SYCP2: variants seen among roughly 807,000 people sequenced by gnomAD.
SYCP2 encodes the protein synaptonemal complex lateral element protein.
SYCP2 carries 55 observed loss-of-function variants against 211.3 expected under a neutral mutation model. That is an observed-to-expected ratio of 0.26 (90% CI 0.21 to 0.33). The LOEUF (loss-of-function observed/expected upper bound fraction) is 0.33. Ranked by LOEUF, SYCP2 falls within the 10% of genes least tolerant of loss-of-function variation. The probability of loss-of-function intolerance (pLI) is 1.00; values close to 1 mark genes in which losing one functional copy is unlikely to be tolerated. For missense variants in SYCP2, 1,731 were observed against 1,752.0 expected (o/e 0.99, Z 0.21); for synonymous variants, 570 against 555.2 (o/e 1.03, Z -0.37).
chr20:59,885,068 G>A (rs986998545), intron 26 of SYCP2: 2 of 151,852 alleles, frequency 1.3e-5, no homozygotes, highest in African/African-American at 4.8e-5. Context: ...CATTGCAAAG[G>A]GAGAAGAAAA....
Position 59,868,316 on chromosome 20 carries a change from T to C in SYCP2, c.3988+97A>G, listed in dbSNP as rs2059388920. ...TCATCCATCTTGGACATATCCAAAG[T>C]TGTCTTTACAAATTTGTTTTGTAAA... On this transcript the variant is annotated intron_variant, in intron 38 of 44. Transcript: ENST00000357552. 3 of 1,260,080 alleles carry C rather than the reference T, an allele frequency of 2.4e-6. No homozygotes were observed. In the East Asian group the frequency reaches 7.0e-5, roughly 29 times the overall value. 78.1% of individuals were successfully genotyped at this position (1,260,080 alleles called of 1,614,324 possible).
chr20:59,932,401 C>T (rs1181553470), intron 1 of SYCP2, among the ~76,000 whole-genome samples: 2 of 152,064 alleles, frequency 1.3e-5, no homozygotes, highest in East Asian at 1.9e-4. Flanking sequence ...GTAGGCCGGG[C>T]GAGGTGGCTC....
chr20:59,890,839 A>G (rs1339243874), intron 24 of SYCP2, among the ~76,000 whole-genome samples: 2 of 152,018 alleles, frequency 1.3e-5, no homozygotes, highest in Non-Finnish European at 2.9e-5. Context: ...ATTTAAATTT[A>G]AAGACAGATC....
At chr20:59,914,500 TATTC>T (rs1268780412) in intron 10 of SYCP2, among the ~76,000 whole-genome samples, 1 of 152,018 alleles carries the variant, frequency 6.6e-6, no homozygotes, top group African/African-American at 2.4e-5. Flanking sequence ...GACTTCTAAA[TATTC>T]AAAGACACTG....
chr20:59,892,408 T>C lies in SYCP2; in HGVS notation c.1946A>G (p.Lys649Arg). 6.5e-7 allele frequency: 1 copy of C among 1,528,654 alleles called. No individual in the cohort carries two copies. The highest frequency in any genetic ancestry group is 8.9e-7 in the Non-Finnish European group (1 of 1,128,004). 94.7% of individuals were successfully genotyped at this position (1,528,654 alleles called of 1,614,324 possible). A position where few individuals can be genotyped will look rare whatever the true frequency, so the allele number is the denominator to read the frequency against. ...AGAGGATGATTTTTGTTTAGTAAGTTTTTTATTTATAACAATATCTATTGG... is the reference window on the plus strand; with the variant it reads ...AGAGGATGATTTTTGTTTAGTAAGTCTTTTATTTATAACAATATCTATTGG... ...TLNQDIVINK[K>R]LTKQKSSSSI... is the part of the protein sequence containing the mutation. Residue 649 changes from lysine (K) to arginine (R), a missense_variant, in exon 24 of 45, where the codon AAA becomes AGA. Lys to Arg is a conservative substitution (Grantham distance 26). Coordinates refer to ENST00000357552, the MANE Select transcript of SYCP2 (RefSeq NM_014258.4).
chr20:59,875,224 G>A (rs1173438490), intron 34 of SYCP2, 47 bp downstream of exon 34: 1 of 1,221,158 alleles, frequency 8.2e-7, no homozygotes, highest in Non-Finnish European at 1.2e-6. Context: ...TAGAGTTATA[G>A]AAAACTATTG....
At position 59,875,610 on chromosome 20, in the gene SYCP2, G is replaced by C. The variant is rs1434631975; in HGVS notation, c.3151-141C>G. On this transcript the variant is annotated intron_variant, in intron 33 of 44. Coordinates refer to ENST00000357552, the MANE Select transcript of SYCP2 (RefSeq NM_014258.4). ...TAACAAGGACCTAGACATGAGTAGT[G>C]AAAGACTTTCTAATATACTAGAAGC... The C allele has an allele frequency of 1.6e-5, 9 of 569,356 alleles. No individual in the cohort carries two copies. In the South Asian group the frequency reaches 2.6e-4, roughly 16 times the overall value. The allele number at this position is 569,356 out of a possible 1,614,324, so 35.3% of individuals were successfully genotyped here.
intron 24 of SYCP2, among the ~76,000 whole-genome samples, chr20:59,889,390 ATTT>A (rs146069418): frequency 2.0e-5 from 3 of 151,806 alleles, no homozygotes; most frequent in Non-Finnish European, 4.4e-5. Flanking sequence ...TCCAAAAATG[ATTT>A]TTTTTAAAAG....
chr20:59,913,912 G>C, intron 12 of SYCP2, 63 bp downstream of exon 12: 1 of 1,213,688 alleles, frequency 8.2e-7, no homozygotes, highest in Admixed American at 2.3e-5. Context: ...ATGCAACACT[G>C]GGTGCTCACT....
At chr20:59,925,275 A>G (rs533619004) in intron 2 of SYCP2, among the ~76,000 whole-genome samples, 1 of 152,020 alleles carries the variant, frequency 6.6e-6, no homozygotes, top group Non-Finnish European at 1.5e-5. Context: ...TTTAATACTT[A>G]CAGGTTGATA....
intron 26 of SYCP2, among the ~76,000 whole-genome samples, 154 bp from the exon 27 acceptor site, chr20:59,882,319 T>C (rs907388636): frequency 2.0e-5 from 3 of 152,150 alleles, no homozygotes; most frequent in African/African-American, 7.2e-5. Context: ...TAACAGATGC[T>C]AGTGAGGATG....
At chr20:59,925,115 T>C (rs1367704105) in intron 2 of SYCP2, among the ~76,000 whole-genome samples, 1 of 152,022 alleles carries the variant, frequency 6.6e-6, no homozygotes, top group African/African-American at 2.4e-5. Flanking sequence ...GCTCTAACCA[T>C]AAAAGACAAC....
At position 59,932,355 on chromosome 20, in the gene SYCP2, G is replaced by T. The variant is rs1198456190; in HGVS notation, c.-139-201C>A. On this transcript the variant is annotated intron_variant, in intron 1 of 44. Transcript: ENST00000357552. The stretch of plus-strand genomic sequence containing the variant: ...ACATTAAAGGTGAATGAAGGGGAGG[G>T]AAGGCGTCCTCCTCCTCCCATCATT... 2.0e-5 allele frequency among the ~76,000 whole-genome samples: 3 copies of T among 152,120 alleles called. No individual in the cohort carries two copies. In the East Asian group the frequency reaches 5.8e-4, roughly 29 times the overall value.
At chr20:59,874,562 G>A (rs139781652) in intron 34 of SYCP2, among the ~76,000 whole-genome samples, 32 of 152,060 alleles carry the variant, frequency 2.1e-4, no homozygotes, top group African/African-American at 7.0e-4. Context: ...CTGAGTATGC[G>A]CTTATGTGAA....
Position 59,914,001 on chromosome 20 carries a change from T to C in SYCP2, c.804A>G (p.Val268=), listed in dbSNP as rs2060383092. Residue 268 remains valine, a synonymous_variant, in exon 12 of 45, where the codon GTA becomes GTG. Coordinates refer to ENST00000357552, the MANE Select transcript of SYCP2 (RefSeq NM_014258.4). ...TTCTTTTGTCTCCAAGCATGCCATT[T>C]ACAAGGTTGAGAAATATCCTGCAAT... ...ETDCRIFLNL[V]NGMLGDKRRV... 1 of 1,600,326 alleles carries C rather than the reference T, an allele frequency of 6.2e-7. No individual in the cohort carries two copies. Among genetic ancestry groups the C allele is most frequent in the Non-Finnish European group, 8.5e-7 (1 of 1,174,196 alleles).
Position 59,919,548 on chromosome 20 carries a change from T to C in SYCP2, c.347A>G (p.Asn116Ser), listed in dbSNP as rs750376132. 1.9e-6 allele frequency: 3 copies of C among 1,610,780 alleles called. No homozygotes were observed. The African/African-American group carries it at 4.0e-5, about 22-fold the overall frequency. The change falls in exon 6 of 45, where the codon AAT becomes AGT. Residue 116 changes from asparagine to serine, a missense_variant. Asn to Ser is a conservative substitution (Grantham distance 46). Coordinates refer to ENST00000357552, the MANE Select transcript of SYCP2 (RefSeq NM_014258.4). The stretch of plus-strand genomic sequence containing the variant: ...ATTTAGAACAGCTTCATCTTTTGAA[T>C]TTCCTTGACTCTGAATAATGTCCTT... ...KSKDIIQSQG[N>S]SKDEAVLNMI...
chr20:59,914,247 A>G lies in SYCP2; in HGVS notation c.639T>C (p.Tyr213=), dbSNP rs1163633528. The G allele has an allele frequency of 6.5e-7, 1 of 1,539,636 alleles. No individual in the cohort carries two copies. Among genetic ancestry groups the G allele is most frequent in the East Asian group, 2.3e-5 (1 of 44,222 alleles). ...MGERILDAGD[Y]DLQVGIVEAL... ...CTTCTACAATGCCTACCTGTAAGTC[A>G]TAATCTATTAAAAAAATAGTTAATG... The change falls in exon 11 of 45, where the codon TAT becomes TAC. Residue 213 remains tyrosine (Y), a synonymous_variant. Coordinates refer to ENST00000357552, the MANE Select transcript of SYCP2 (RefSeq NM_014258.4).
chr20:59,893,386 A>T (rs2059946542), intron 21 of SYCP2, 138 bp downstream of exon 21: 5 of 787,620 alleles, frequency 6.3e-6, no homozygotes, highest in Non-Finnish European at 1.0e-5. Context: ...AACCTCAAAA[A>T]TTCCTTGCAC....
intron 20 of SYCP2, 126 bp from the exon 21 acceptor site, chr20:59,893,719 T>C (rs1282196766): frequency 1.7e-5 from 10 of 586,258 alleles, no homozygotes; most frequent in Non-Finnish European, 2.9e-6. Context: ...ATACTATTTT[T>C]ATATATTTCA....
Sources: allele counts gnomAD v4.1 joint callset (sites outside exome capture counted in the v4.1 genomes callset), GRCh38; gene constraint gnomAD v4.1.1; transcripts MANE v1.5; gene names NCBI Gene and HGNC (gene_info 2026-07-23, HGNC 2026-07-21).